Variants in PRKG2 observed in about 807,000 individuals in gnomAD.
The protein encoded by PRKG2 is protein kinase cGMP-dependent 2, also known as cGMP-dependent protein kinase 2.
Under a neutral mutation model 97.2 loss-of-function variants are expected in PRKG2, and 33 were observed. The ratio of observed to expected loss-of-function variants is 0.34; its 90% confidence interval spans 0.26 to 0.45. The LOEUF (loss-of-function observed/expected upper bound fraction) is 0.45. PRKG2 is among the 20% of genes least tolerant of loss of function. PRKG2 has a pLI of 1.00. For missense variants in PRKG2, 638 were observed against 900.0 expected, an observed-to-expected ratio of 0.71 and a Z score of 3.73; for synonymous variants, 330 against 321.8, an observed-to-expected ratio of 1.03 and a Z score of -0.27.
chr4:81,111,406 A>ATATCATGTTATACATGATTAATATT lies in PRKG2; in HGVS notation c.1777-820_1777-796dup, dbSNP rs1192110711. 3.5e-3 allele frequency among the ~76,000 whole-genome samples: 534 copies of ATATCATGTTATACATGATTAATATT among 150,584 alleles called. 5 individuals carry two copies. The highest frequency in any genetic ancestry group is 0.012 in the African/African-American group (506 of 40,530). ...AATGTACACAAACATGATTAATATT[A>ATATCATGTTATACATGATTAATATT]TATCATGTTATACATGATTAATATT... On this transcript the variant is annotated intron_variant, in intron 14 of 18. Transcript: ENST00000264399.
intron 6 of PRKG2, among the ~76,000 whole-genome samples, chr4:81,154,465 A>G (rs1388666931): frequency 1.3e-5 from 2 of 149,744 alleles, no homozygotes; most frequent in Non-Finnish European, 2.9e-5. Context: ...CCTGACCCTG[A>G]CCCCCGAGCA....
intron 14 of PRKG2, among the ~76,000 whole-genome samples, chr4:81,129,565 T>C (rs1021872332): frequency 2.6e-5 from 4 of 152,194 alleles, no homozygotes; most frequent in Non-Finnish European, 5.9e-5. Flanking sequence ...TCTGGTTGCA[T>C]TGATCCCTTT....
In PRKG2 at chr4:81,144,904, A is replaced by G. The variant is rs553414075; in HGVS notation, c.1155-574T>C. Among the ~76,000 whole-genome samples, 229 of 152,024 alleles carry G rather than the reference A, an allele frequency of 1.5e-3. 1 individual carries two copies. Among genetic ancestry groups the G allele is most frequent in the Middle Eastern group, 3.4e-3 (1 of 294 alleles). ...TAGTTTGCTGAGAATGATGGTTTCC[A>G]GCTTCATCCATGTCCCTACAAAGGA... On this transcript the variant is annotated intron_variant, in intron 9 of 18. Coordinates refer to ENST00000264399, the MANE Select transcript of PRKG2 (RefSeq NM_006259.3).
At position 81,179,675 on chromosome 4, in the gene PRKG2, G is replaced by A. The variant is rs573161753; in HGVS notation, c.462-4716C>T. ...GGTGTAAAATATGTAAGAAATAAAT[G>A]TAGAAAACAGCCAAAACTGCAGGGG... On this transcript the variant is annotated intron_variant, in intron 2 of 18. Coordinates refer to ENST00000264399, the MANE Select transcript of PRKG2 (RefSeq NM_006259.3). Among the ~76,000 whole-genome samples the A allele has an allele frequency of 1.4e-3, 218 of 152,210 alleles. 1 individual carries two copies. The highest frequency in any genetic ancestry group is 5.0e-3 in the African/African-American group (207 of 41,544).
intron 1 of PRKG2, 57 bp from the exon 2 acceptor site, chr4:81,205,117 C>T (rs1753576145): frequency 9.5e-7 from 1 of 1,049,384 alleles, no homozygotes; most frequent in Admixed American, 2.8e-5. Context: ...CAACAGTCCC[C>T]ACCATTCCTC....
rs546342575 is a variant in PRKG2, at chr4:81,159,408, G to A, written c.913-5687C>T. Among the ~76,000 whole-genome samples, 300 of 152,256 alleles carry A rather than the reference G, an allele frequency of 2.0e-3. 1 individual carries two copies. Among genetic ancestry groups the A allele is most frequent in the African/African-American group, 6.7e-3 (280 of 41,540 alleles). On this transcript the variant is annotated intron_variant, in intron 6 of 18. Transcript: ENST00000264399. Reference sequence around the variant, plus strand: ...GAAATGCAAATCAAAACCACAATGAGATACCATTTCACACCAGTTAGAATG... The same window carrying A: ...GAAATGCAAATCAAAACCACAATGAAATACCATTTCACACCAGTTAGAATG...
intron 1 of PRKG2, among the ~76,000 whole-genome samples, chr4:81,209,479 G>A (rs1002045777): frequency 6.6e-6 from 1 of 152,054 alleles, no homozygotes; most frequent in South Asian, 2.1e-4. Context: ...GAGTCCCAGT[G>A]GAAGCACTTT....
intron 12 of PRKG2, among the ~76,000 whole-genome samples, chr4:81,139,090 C>A (rs1030111969): frequency 6.6e-6 from 1 of 152,124 alleles, no homozygotes; most frequent in Non-Finnish European, 1.5e-5. Flanking sequence ...TGGCTTACAC[C>A]CCTACCCATG....
intron 2 of PRKG2, chr4:81,175,688 A>G (rs531601940): frequency 2.6e-5 from 4 of 152,254 alleles, no homozygotes; most frequent in Admixed American, 6.5e-5. Context: ...GACATTTCCA[A>G]TCTCACAGTC....
At chr4:81,144,762 C>A (rs1372983562) in intron 9 of PRKG2, among the ~76,000 whole-genome samples, 1 of 118,668 alleles carries the variant, frequency 8.4e-6, no homozygotes, top group East Asian at 2.9e-4. Flanking sequence ...CCCCCCTCCC[C>A]CCACCCCATG....
chr4:81,156,342 T>C (rs930171664), intron 6 of PRKG2, among the ~76,000 whole-genome samples: 3 of 152,242 alleles, frequency 2.0e-5, no homozygotes, highest in East Asian at 1.9e-4. Context: ...AAGGCCATTA[T>C]TTAATGGTAA....
intron 2 of PRKG2, among the ~76,000 whole-genome samples, chr4:81,196,740 C>G (rs1295068497): frequency 6.6e-6 from 1 of 151,534 alleles, no homozygotes; most frequent in Non-Finnish European, 1.5e-5. Context: ...TATTCTCTGG[C>G]CATTCCTGGC....
At chr4:81,200,238 C>A (rs1391837735) in intron 2 of PRKG2, among the ~76,000 whole-genome samples, 1 of 152,192 alleles carries the variant, frequency 6.6e-6, no homozygotes, top group Non-Finnish European at 1.5e-5. Flanking sequence ...TCCCTGCCCT[C>A]TCTGCCAGTG....
At chr4:81,185,735 C>T (rs1560612549) in intron 2 of PRKG2, among the ~76,000 whole-genome samples, 1 of 152,088 alleles carries the variant, frequency 6.6e-6, no homozygotes, top group Non-Finnish European at 1.5e-5. Context: ...ATCCATCTCA[C>T]ATGCAAACAC....
At chr4:81,148,238 G>T (rs1578421333) in intron 9 of PRKG2, among the ~76,000 whole-genome samples, 1 of 152,114 alleles carries the variant, frequency 6.6e-6, no homozygotes, top group East Asian at 1.9e-4. Context: ...ACAATGGCCT[G>T]CCTTTGGTAT....
intron 2 of PRKG2, chr4:81,192,381 T>C (rs1752617185): frequency 6.6e-6 from 1 of 152,206 alleles, no homozygotes; most frequent in African/African-American, 2.4e-5. Context: ...ATCATTTTGG[T>C]GGTCACATGG....
intron 6 of PRKG2, among the ~76,000 whole-genome samples, chr4:81,160,051 T>C (rs1749481534): frequency 6.6e-6 from 1 of 151,876 alleles, no homozygotes; most frequent in African/African-American, 2.4e-5. Context: ...ATGGCACATG[T>C]ATACATATGT....
chr4:81,147,083 C>T (rs1747924443), intron 9 of PRKG2, among the ~76,000 whole-genome samples: 1 of 152,120 alleles, frequency 6.6e-6, no homozygotes, highest in African/African-American at 2.4e-5. Flanking sequence ...ATATTGCAGA[C>T]TCTAAATTAT....
At chr4:81,205,689 T>C (rs1753608067) in intron 1 of PRKG2, among the ~76,000 whole-genome samples, 1 of 152,226 alleles carries the variant, frequency 6.6e-6, no homozygotes. Context: ...TTTAAAATTG[T>C]TCTGCATCCT....
Sources: gnomAD v4.1 joint callset for allele counts (sites outside exome capture counted in the v4.1 genomes callset) on GRCh38, gnomAD v4.1.1 for gene constraint, MANE v1.5 for transcripts, NCBI Gene and HGNC (gene_info 2026-07-23, HGNC 2026-07-21) for gene names.